The following ZBTB17 variants were observed in gnomAD, a reference collection of about 807,000 sequenced individuals.
The protein encoded by ZBTB17 is zinc finger and BTB domain-containing protein 17.
In ZBTB17, 24 loss-of-function variants were observed where a neutral mutation model predicts 85.1. That is an observed-to-expected ratio of 0.28 (90% CI 0.20 to 0.40). ZBTB17 has a LOEUF of 0.40. Among genes scored for constraint, ZBTB17 ranks in the 10% least tolerant of loss-of-function variants. The pLI, the probability that ZBTB17 is intolerant of heterozygous loss-of-function variation, is 1.00. For synonymous variants in ZBTB17, 464 were observed against 460.2 expected, an observed-to-expected ratio of 1.01 and a Z score of -0.11; for missense variants, 743 against 1,105.1, an observed-to-expected ratio of 0.67 and a Z score of 4.65.
intron 2 of ZBTB17, among the ~76,000 whole-genome samples, chr1:15,954,935 A>C (rs1390378540): frequency 6.6e-6 from 1 of 152,210 alleles, no homozygotes; most frequent in African/African-American, 2.4e-5. Flanking sequence ...CTGGCGGATC[A>C]CTTGAGGTCA....
intron 9 of ZBTB17, 102 bp from the exon 10 acceptor site, chr1:15,943,997 A>G: frequency 1.6e-6 from 2 of 1,244,204 alleles, no homozygotes; most frequent in Non-Finnish European, 2.3e-6. Context: ...CAGGCTTGCC[A>G]GGGTCCGTGA....
chr1:15,965,445 G>T (rs1047705215), intron 2 of ZBTB17, among the ~76,000 whole-genome samples: 1 of 152,202 alleles, frequency 6.6e-6, no homozygotes, highest in African/African-American at 2.4e-5. Context: ...AAATGTTGAA[G>T]TCTGAAAATA....
At position 15,946,955 on chromosome 1, in the gene ZBTB17, G is replaced by A. The variant is rs989670453; in HGVS notation, c.374C>T (p.Ala125Val). ...AEPATSPGGN[A>V]EALATEGGDK... Reference sequence around the variant, plus strand: ...CCTACCTTCTGTGGCCAAGGCCTCCGCATTTCCCCCAGGGCTGGTAGCCGG... The same window carrying A: ...CCTACCTTCTGTGGCCAAGGCCTCCACATTTCCCCCAGGGCTGGTAGCCGG... The change falls in exon 4 of 16, where the codon GCG becomes GTG. Residue 125 changes from alanine (A) to valine (V), a missense_variant. Physicochemically the swap from Ala to Val is moderately conservative, Grantham distance 64. This residue lies in a region of ZBTB17 where 279 missense variants were observed against 269.9 expected (regional missense o/e 1.03). Transcript: ENST00000375743. The A allele has an allele frequency of 1.1e-5, 18 of 1,611,902 alleles. No homozygotes were observed. The highest frequency in any genetic ancestry group is 1.6e-4 in the Middle Eastern group (1 of 6,066).
rs922280292 is a variant in ZBTB17 at position 15,951,763 on chromosome 1, G to T, written c.-2-3266C>A. Among the ~76,000 whole-genome samples the T allele has an allele frequency of 3.3e-5, 5 of 152,130 alleles. No homozygotes were observed. The highest frequency in any genetic ancestry group is 1.2e-4 in the African/African-American group (5 of 41,424). ...TCAGCGACAGGAACCCAGCAGGACG[G>T]CCAGGCTTGGAGGGACATAGGAAAA... On this transcript the variant is annotated intron_variant, in intron 2 of 15. Transcript: ENST00000375743. This position sits in a 1 kb window ranked among gnomAD's most constrained non-coding sequence, Gnocchi z 4.1.
chr1:15,942,145 T>C lies in ZBTB17; in HGVS notation c.2236A>G (p.Met746Val). Residue 746 changes from methionine (M) to valine (V), a missense_variant, in exon 16 of 16, where the codon ATG becomes GTG. Physicochemically the swap from Met to Val is conservative, Grantham distance 21. Around this residue, in one of 4 missense-constraint regions of ZBTB17, gnomAD observed 321 missense variants for 615.7 expected, o/e 0.52. Transcript: ENST00000375743. Reference protein sequence around the residue: ...VRIHTAQALVMFQTDADFYQQ... With the variant: ...VRIHTAQALVVFQTDADFYQQ... ...TAGAAGTCCGCGTCTGTCTGGAACA[T>C]GACCAGTGCCTGGGCTGTGTGGATT... 1 of 1,613,644 alleles carries C rather than the reference T, an allele frequency of 6.2e-7. No homozygotes were observed. The highest frequency in any genetic ancestry group is 8.5e-7 in the Non-Finnish European group (1 of 1,180,036).
chr1:15,967,917 G>T (rs2072501684), intron 2 of ZBTB17, among the ~76,000 whole-genome samples: 1 of 152,214 alleles, frequency 6.6e-6, no homozygotes, highest in Non-Finnish European at 1.5e-5. Context: ...GTTCCTAACT[G>T]CTACCCTATA....
At chr1:15,944,669 G>C in intron 8 of ZBTB17, 28 bp downstream of exon 8, 1 of 1,603,614 alleles carries the variant, frequency 6.2e-7, no homozygotes, top group South Asian at 1.1e-5. Context: ...GGCAGGGGCC[G>C]GGGTAGGAGG....
At chr1:15,945,291 A>C in intron 6 of ZBTB17, 89 bp from the exon 7 acceptor site, 1 of 1,502,976 alleles carries the variant, frequency 6.7e-7, no homozygotes, top group Non-Finnish European at 8.9e-7. Context: ...AGGGACAGTA[A>C]ATGGCCCCAG....
At chr1:15,955,324 C>T (rs74054895) in intron 2 of ZBTB17, among the ~76,000 whole-genome samples, 176 of 152,268 alleles carry the variant, frequency 1.2e-3, no homozygotes, top group African/African-American at 3.9e-3. Flanking sequence ...TGAACAAAAC[C>T]AACCCTGCTG....
At chr1:15,942,877 G>A in intron 13 of ZBTB17, 139 bp from the exon 14 acceptor site, 2 of 1,325,712 alleles carry the variant, frequency 1.5e-6, no homozygotes, top group Non-Finnish European at 1.0e-6. Flanking sequence ...GGGTGCCTCT[G>A]GTGACACTGG....
At chr1:15,974,572 CT>C (rs562752690) in intron 1 of ZBTB17, among the ~76,000 whole-genome samples, 200 of 144,606 alleles carry the variant, frequency 1.4e-3, no homozygotes, top group Middle Eastern at 3.6e-3. Flanking sequence ...CTTGCTGCTG[CT>C]TTTTTTTTTT....
chr1:15,942,097 T>G lies in ZBTB17; in HGVS notation c.2284A>C (p.Thr762Pro). Residue 762 changes from threonine to proline, a missense_variant, in exon 16 of 16, where the codon ACG (threonine) becomes CCG (proline). Physicochemically the swap from Thr to Pro is conservative, Grantham distance 38. Transcript: ENST00000375743. ...DFYQQYGPGGTWPAGQVLQAG... is the reference protein window; with the variant it reads ...DFYQQYGPGGPWPAGQVLQAG... ...TGCAGCACCTGCCCGGCAGGCCACG[T>G]GCCACCTGGCCCATACTGCTGATAG... 1 of 1,613,286 alleles carries G rather than the reference T, an allele frequency of 6.2e-7. No individual in the cohort carries two copies. The highest frequency in any genetic ancestry group is 8.5e-7 in the Non-Finnish European group (1 of 1,180,032).
chr1:15,955,971 A>C (rs1326521565), intron 2 of ZBTB17, among the ~76,000 whole-genome samples: 1 of 152,172 alleles, frequency 6.6e-6, no homozygotes, highest in East Asian at 1.9e-4. Context: ...TATGCACAAA[A>C]GGGAAGGCTG....
intron 15 of ZBTB17, 39 bp downstream of exon 15, chr1:15,942,292 G>C: frequency 6.2e-7 from 1 of 1,613,732 alleles, no homozygotes; most frequent in South Asian, 1.1e-5. Flanking sequence ...GAAGGACCCC[G>C]GGCTCTGCCC....
At chr1:15,946,839 G>T in intron 4 of ZBTB17, 96 bp downstream of exon 4, 1 of 1,425,976 alleles carries the variant, frequency 7.0e-7, no homozygotes, top group Non-Finnish European at 9.4e-7. Flanking sequence ...GGCAGGGCCA[G>T]ATGAGGAAAC....
intron 2 of ZBTB17, chr1:15,969,619 G>C (rs2072569189): frequency 2.3e-6 from 1 of 431,960 alleles, no homozygotes; most frequent in Non-Finnish European, 4.6e-6. Flanking sequence ...GGGGGGAGCA[G>C]GGCAGGGAGA....
chr1:15,959,577 A>C (rs1570171376), intron 2 of ZBTB17, among the ~76,000 whole-genome samples: 2 of 138,008 alleles, frequency 1.4e-5, no homozygotes, highest in East Asian at 4.3e-4. Context: ...AGCAACAGGG[A>C]AGAGAAGGAG....
chr1:15,946,179 G>T lies in ZBTB17; in HGVS notation c.510C>A (p.Gly170=), dbSNP rs772605674. The T allele has an allele frequency of 6.2e-7, 1 of 1,609,964 alleles. No individual in the cohort carries two copies. Reference sequence around the variant, plus strand: ...CGCTGGCCGCACTCTGGGCCTGACCGCCGCGCTCCTCCTTGAGGTCCCTGC... The same window carrying T: ...CGCTGGCCGCACTCTGGGCCTGACCTCCGCGCTCCTCCTTGAGGTCCCTGC... The part of the protein sequence containing the change: ...GPSRDLKEER[G]GQAQSAASGA... The change falls in exon 5 of 16, where the codon GGC becomes GGA. Residue 170 remains glycine, a synonymous_variant. Transcript: ENST00000375743.
chr1:15,956,661 C>T (rs1230266166), intron 2 of ZBTB17, among the ~76,000 whole-genome samples: 1 of 152,152 alleles, frequency 6.6e-6, no homozygotes, highest in East Asian at 1.9e-4. Context: ...TAGGGGTGCT[C>T]AGCCTATAAA....
Sources: allele counts gnomAD v4.1 joint callset (sites outside exome capture counted in the v4.1 genomes callset), GRCh38; gene constraint gnomAD v4.1.1; regional missense constraint gnomAD v4.1.1; non-coding constraint Gnocchi (gnomAD v3.1); transcripts MANE v1.5; gene names NCBI Gene and HGNC (gene_info 2026-07-23, HGNC 2026-07-21).